CLDN15: variants seen among roughly 807,000 people sequenced by gnomAD.
CLDN15 encodes claudin 15, also known as claudin-15.
In CLDN15, 9 loss-of-function variants were observed where a neutral mutation model predicts 24.5. The ratio of observed to expected loss-of-function variants is 0.37; its 90% CI spans 0.22 to 0.64. The LOEUF (loss-of-function observed/expected upper bound fraction) is 0.64, where lower values mean the gene tolerates loss of function less well. Ranked by LOEUF, CLDN15 falls within the 30% of genes least tolerant of loss-of-function variation. The probability of loss-of-function intolerance (pLI) is 0.63; values close to 1 mark genes in which losing one functional copy is unlikely to be tolerated. For synonymous variants in CLDN15, 149 were observed against 131.4 expected, an observed-to-expected ratio of 1.13 and a Z score of -0.92; for missense variants, 248 against 305.9, an observed-to-expected ratio of 0.81 and a Z score of 1.41.
At position 101,232,744 on chromosome 7, in the gene CLDN15, G is replaced by A. The variant is rs770538857; in HGVS notation, c.465-24C>T. ...ACCTGCGCACAAGGGCGGCGCGGGGGCGGGGGACAAGTGAGACGCCAGCCG... is the reference window on the plus strand; with the variant it reads ...ACCTGCGCACAAGGGCGGCGCGGGGACGGGGGACAAGTGAGACGCCAGCCG... On this transcript the variant is annotated intron_variant, in intron 3 of 4. Coordinates refer to ENST00000308344, the MANE Select transcript of CLDN15 (RefSeq NM_014343.3). The A allele has an allele frequency of 7.6e-6, 12 of 1,588,378 alleles. No homozygotes were observed. The South Asian group carries it at 1.0e-4, about 13-fold the overall frequency.
chr7:101,237,926 G>A, upstream of CLDN15: 1 of 358,922 alleles, frequency 2.8e-6, no homozygotes, highest in Non-Finnish European at 5.4e-6. The surrounding 1 kb of genome is among the most constrained non-coding windows in gnomAD (Gnocchi z 4.0). Flanking sequence ...AGGGTGGGGG[G>A]GGCAGACTTA....
Position 101,237,570 on chromosome 7 carries a change from A to G in CLDN15, c.12T>C (p.Ala4=), listed in dbSNP as rs745557741. The G allele has an allele frequency of 8.1e-6, 13 of 1,613,790 alleles. No homozygotes were observed. Among genetic ancestry groups the G allele is most frequent in the Non-Finnish European group, 1.1e-5 (13 of 1,179,816 alleles). ...CCATGAAGAAGCCAAAGGTTTCCAC[A>G]GCCATCGACATGGTGGGATGCAGGA... MSM[A]VETFGFFMAT... Residue 4 remains alanine, a synonymous_variant, in exon 1 of 5, where the codon GCT becomes GCC. Coordinates refer to ENST00000308344, the MANE Select transcript of CLDN15 (RefSeq NM_014343.3). This position sits in a 1 kb window ranked among gnomAD's most constrained non-coding sequence, Gnocchi z 4.0.
intron 4 of CLDN15, 32 bp downstream of exon 4, chr7:101,232,572 C>T: frequency 6.9e-6 from 11 of 1,597,630 alleles, no homozygotes; most frequent in Non-Finnish European, 9.4e-6. Flanking sequence ...TCCAATCCCG[C>T]CCGGCCCCAG....
At chr7:101,233,868 C>T (rs1798569323) in intron 2 of CLDN15, 4 of 296,124 alleles carry the variant, frequency 1.4e-5, no homozygotes, top group South Asian at 1.2e-4. Flanking sequence ...AAGTAATCCA[C>T]CCACCTCAGC....
upstream of CLDN15, chr7:101,237,922 G>T: frequency 5.5e-6 from 2 of 362,944 alleles, no homozygotes; most frequent in East Asian, 6.3e-5. This position sits in a 1 kb window ranked among gnomAD's most constrained non-coding sequence, Gnocchi z 4.0. Context: ...CACGAGGGTG[G>T]GGGGGGCAGA....
chr7:101,237,287 C>A lies in CLDN15; in HGVS notation c.217+78G>T. 1 of 954,968 alleles carries A rather than the reference C, an allele frequency of 1.0e-6. No homozygotes were observed. Among genetic ancestry groups the A allele is most frequent in the Admixed American group, 2.0e-5 (1 of 50,050 alleles). 59.2% of individuals were successfully genotyped at this position (954,968 alleles called of 1,614,324 possible). A position where few individuals can be genotyped will look rare whatever the true frequency, so the allele number is the denominator to read the frequency against. ...TAATTCAGGGCTCCCTGCATCCTCACGGAAGTACCCGCCCTCCCCTGGGGT... is the reference window on the plus strand; with the variant it reads ...TAATTCAGGGCTCCCTGCATCCTCAAGGAAGTACCCGCCCTCCCCTGGGGT... On this transcript the variant is annotated intron_variant, in intron 1 of 4. Coordinates refer to ENST00000308344, the MANE Select transcript of CLDN15 (RefSeq NM_014343.3). This position sits in a 1 kb window ranked among gnomAD's most constrained non-coding sequence, Gnocchi z 4.0.
rs749101945 is a variant in CLDN15 at position 101,234,417 on chromosome 7, G to A, written c.243C>T (p.Leu81=). Residue 81 remains leucine (L), a synonymous_variant, in exon 2 of 5, where the codon CTC becomes CTT. Coordinates refer to ENST00000308344, the MANE Select transcript of CLDN15 (RefSeq NM_014343.3). ...LSGYIQACRA[L]MITAILLGFL... ...AGCCCAGGAGGATGGCGGTGATCATGAGTGCCCGGCAGGCCTGAATATACC... is the reference window on the plus strand; with the variant it reads ...AGCCCAGGAGGATGGCGGTGATCATAAGTGCCCGGCAGGCCTGAATATACC... 2 of 1,613,162 alleles carry A rather than the reference G, an allele frequency of 1.2e-6. No individual in the cohort carries two copies. The highest frequency in any genetic ancestry group is 2.2e-5 in the South Asian group (2 of 91,068).
chr7:101,235,704 G>A (rs1798608082), intron 1 of CLDN15, among the ~76,000 whole-genome samples: 1 of 152,116 alleles, frequency 6.6e-6, no homozygotes, highest in African/African-American at 2.4e-5. Flanking sequence ...AGGCAGGAGG[G>A]ACAAAGTTCT....
intron 2 of CLDN15, among the ~76,000 whole-genome samples, chr7:101,233,163 C>G (rs887521320): frequency 6.6e-6 from 1 of 152,162 alleles, no homozygotes; most frequent in Non-Finnish European, 1.5e-5. Context: ...ACCTCAACCT[C>G]CTCCTGCCTC....
upstream of CLDN15, chr7:101,237,926 G>T (rs1245779651): frequency 8.4e-6 from 3 of 358,804 alleles, no homozygotes; most frequent in Non-Finnish European, 1.6e-5. The surrounding 1 kb of genome is among the most constrained non-coding windows in gnomAD (Gnocchi z 4.0). Context: ...AGGGTGGGGG[G>T]GGCAGACTTA....
At chr7:101,234,228 G>A (rs1204355722) in intron 2 of CLDN15, 50 bp downstream of exon 2, 1 of 1,418,638 alleles carries the variant, frequency 7.0e-7, no homozygotes, top group Non-Finnish European at 9.9e-7. Context: ...AAAGCAGCCT[G>A]AAGTCTGCGG....
rs745557741 is a variant in CLDN15 at position 101,237,570 on chromosome 7, A to T, written c.12T>A (p.Ala4=). ...CCATGAAGAAGCCAAAGGTTTCCAC[A>T]GCCATCGACATGGTGGGATGCAGGA... MSM[A]VETFGFFMAT... is the part of the protein sequence containing the mutation. Residue 4 remains alanine, a synonymous_variant, in exon 1 of 5, where the codon GCT becomes GCA. Transcript: ENST00000308344. The surrounding 1 kb of genome is among the most constrained non-coding windows in gnomAD (Gnocchi z 4.0). The T allele has an allele frequency of 1.9e-6, 3 of 1,613,908 alleles. No homozygotes were observed. The highest frequency in any genetic ancestry group is 2.5e-6 in the Non-Finnish European group (3 of 1,179,808).
chr7:101,234,585 C>G (rs1348033247), intron 1 of CLDN15, 143 bp from the exon 2 acceptor site: 3 of 614,284 alleles, frequency 4.9e-6, no homozygotes, highest in Non-Finnish European at 8.7e-6. Flanking sequence ...CACCACCACG[C>G]CCGGCTAATT....
chr7:101,233,347 C>G (rs140807620), intron 2 of CLDN15, among the ~76,000 whole-genome samples: 1 of 152,134 alleles, frequency 6.6e-6, no homozygotes, highest in African/African-American at 2.4e-5. Flanking sequence ...GGCAGACCCC[C>G]GGGCTAGCAC....
chr7:101,232,785 T>G (rs1562903520), intron 3 of CLDN15, 48 bp downstream of exon 3: 1 of 1,568,882 alleles, frequency 6.4e-7, no homozygotes, highest in South Asian at 1.1e-5. Flanking sequence ...CAGGGCTGAG[T>G]CCCACCCGCT....
Position 101,232,321 on chromosome 7 carries a change from C to A in CLDN15, c.*89G>T, listed in dbSNP as rs1798515991. 1.4e-5 allele frequency: 13 copies of A among 932,766 alleles called. 1 individual carries two copies. The highest frequency in any genetic ancestry group is 2.1e-5 in the Non-Finnish European group (13 of 610,256). 57.8% of individuals were successfully genotyped at this position (932,766 alleles called of 1,614,324 possible). A position where few individuals can be genotyped will look rare whatever the true frequency, so the allele number is the denominator to read the frequency against. On this transcript the variant is annotated 3_prime_UTR_variant, in exon 5 of 5. Coordinates refer to ENST00000308344, the MANE Select transcript of CLDN15 (RefSeq NM_014343.3). ...GCTACGGGAGCGGGGCGTGGCCGGC[C>A]CCTGAGGTTACTATAGGGGAATGGG...
rs1798516215 is a variant in CLDN15, at chr7:101,232,327, G to C, written c.*83C>G. ...GGAGCGGGGCGTGGCCGGCCCCTGA[G>C]GTTACTATAGGGGAATGGGCCCCGG... is the stretch of plus-strand genomic sequence containing the variant. On this transcript the variant is annotated 3_prime_UTR_variant, in exon 5 of 5. Transcript: ENST00000308344. The C allele has an allele frequency of 1.0e-6, 1 of 994,352 alleles. No homozygotes were observed. The highest frequency in any genetic ancestry group is 1.5e-5 in the South Asian group (1 of 66,946). 61.6% of individuals were successfully genotyped at this position (994,352 alleles called of 1,614,324 possible).
chr7:101,236,970 C>G (rs1798639593), intron 1 of CLDN15: 1 of 445,136 alleles, frequency 2.2e-6, no homozygotes, highest in Admixed American at 2.5e-5. Context: ...AAAACATGCT[C>G]AACCGTACTG....
rs1798533851 is a variant in CLDN15, at chr7:101,233,021, A to G, written c.383-107T>C. 5.3e-6 allele frequency: 4 copies of G among 751,194 alleles called. No homozygotes were observed. In the South Asian group the frequency reaches 6.1e-5, roughly 11 times the overall value. The allele number at this position is 751,194 out of a possible 1,614,324, so 46.5% of individuals were successfully genotyped here. A position where few individuals can be genotyped will look rare whatever the true frequency, so the allele number is the denominator to read the frequency against. Reference sequence around the variant, plus strand: ...CTGCCCAGAGTAGGACGGGGGCACCAAGTCCCAGAGCAGCAATTTCACTCA... The same window carrying G: ...CTGCCCAGAGTAGGACGGGGGCACCGAGTCCCAGAGCAGCAATTTCACTCA... On this transcript the variant is annotated intron_variant, in intron 2 of 4. Transcript: ENST00000308344.
Sources: allele counts gnomAD v4.1 joint callset (sites outside exome capture counted in the v4.1 genomes callset), GRCh38; gene constraint gnomAD v4.1.1; non-coding constraint Gnocchi (gnomAD v3.1); transcripts MANE v1.5; gene names NCBI Gene and HGNC (gene_info 2026-07-23, HGNC 2026-07-21).